Variants in NCOR2 observed in about 807,000 individuals in gnomAD.
The protein encoded by NCOR2 is CTG repeat protein 26.
NCOR2 carries 81 observed loss-of-function variants against 262.9 expected under a neutral mutation model. The ratio of observed to expected loss-of-function variants is 0.31; its 90% CI spans 0.26 to 0.37. The LOEUF is 0.37. Among genes scored for constraint, NCOR2 ranks in the 10% least tolerant of loss-of-function variants. The pLI, the probability that NCOR2 is intolerant of heterozygous loss-of-function variation, is 1.00. For synonymous variants in NCOR2, 1,659 were observed against 1,559.3 expected, an observed-to-expected ratio of 1.06 and a Z score of -1.51; for missense variants, 3,385 against 3,621.4, an observed-to-expected ratio of 0.93 and a Z score of 1.68.
chr12:124,479,462 CACACACAA>C (rs113005981), intron 3 of NCOR2, among the ~76,000 whole-genome samples: 26,874 of 149,782 alleles, frequency 0.18, 2,369 homozygotes, highest in Admixed American at 0.21. Context: ...CATACACACA[CACACACAA>C]ACACGCAGGG....
exon 14 of NCOR2, chr12:124,402,538 CTGCTGCTGCTGTTGT>C: frequency 1.3e-5 from 21 of 1,570,950 alleles, no homozygotes; most frequent in South Asian, 1.3e-4. Context: ...GCTGCTGCTG[CTGCTGCTGCTGTTGT>C]TGCTGCTGCT....
intron 22 of NCOR2, among the ~76,000 whole-genome samples, chr12:124,359,350 C>T (rs2038311535): frequency 6.6e-6 from 1 of 152,180 alleles, no homozygotes; most frequent in African/African-American, 2.4e-5. Flanking sequence ...CAGGGTGTGA[C>T]AGCGGAGGAG....
chr12:124,351,986 G>A (rs796119726), intron 27 of NCOR2, among the ~76,000 whole-genome samples: 31 of 152,304 alleles, frequency 2.0e-4, no homozygotes, highest in African/African-American at 6.7e-4. Flanking sequence ...GGAGTTCACC[G>A]CAGATCCTGG....
intron 1 of NCOR2, among the ~76,000 whole-genome samples, chr12:124,487,315 C>T (rs1565988678): frequency 6.6e-6 from 1 of 152,202 alleles, no homozygotes; most frequent in African/African-American, 2.4e-5. Flanking sequence ...CAGAACAAAG[C>T]GACCCCTGAC....
intron 30 of NCOR2, 141 bp downstream of exon 32, chr12:124,347,684 G>C (rs2037052567): frequency 7.6e-6 from 6 of 788,846 alleles, no homozygotes; most frequent in Admixed American, 2.4e-5. Flanking sequence ...CTCACGTACT[G>C]ATCATGTACA....
At chr12:124,385,473 GTGTC>G in intron 17 of NCOR2, among the ~76,000 whole-genome samples, 1 of 152,320 alleles carries the variant, frequency 6.6e-6, no homozygotes, top group East Asian at 1.9e-4. Context: ...GCCCCCAGAG[GTGTC>G]TGTCTGAGAG....
intron 1 of NCOR2, among the ~76,000 whole-genome samples, chr12:124,557,984 G>A (rs903668272): frequency 1.3e-5 from 2 of 151,954 alleles, no homozygotes; most frequent in Non-Finnish European, 2.9e-5. Flanking sequence ...CCCAGGCCAG[G>A]GCCTGGAGCT....
At chr12:124,478,530 G>A (rs918466256) in intron 3 of NCOR2, among the ~76,000 whole-genome samples, 2 of 152,076 alleles carry the variant, frequency 1.3e-5, no homozygotes, top group Non-Finnish European at 1.5e-5. Flanking sequence ...TGCCTCAGGC[G>A]CCCAGCTGAA....
chr12:124,336,813 G>A (rs2035943036), exon 38 of NCOR2: 2 of 1,613,332 alleles, frequency 1.2e-6, no homozygotes, highest in Non-Finnish European at 1.7e-6. Context: ...TTTTCCCGGT[G>A]CGGGTCCGAG....
At chr12:124,501,062 G>GCACACACACACACACACACACA (rs3040848) in intron 1 of NCOR2, among the ~76,000 whole-genome samples, 1 of 147,810 alleles carries the variant, frequency 6.8e-6, no homozygotes, top group East Asian at 2.1e-4. Flanking sequence ...GCGCACGCGC[G>GCACACACACACACACACACACA]CACACACACA....
At chr12:124,385,640 C>G in intron 17 of NCOR2, 105 bp downstream of exon 19, 1 of 1,480,770 alleles carries the variant, frequency 6.8e-7, no homozygotes. Context: ...GCATAATAGC[C>G]CCTCCCTGGC....
At position 124,329,250 on chromosome 12, in the gene NCOR2, T is replaced by A. The variant is rs142967233; in HGVS notation, c.6958+1595A>T. On this transcript the variant is annotated intron_variant, in intron 44 of 46. Coordinates refer to ENST00000405201, the Ensembl canonical transcript of NCOR2. ...CCCAATGTGGGTGGATCATCTGACGTCAGGAGTTCGAGATCAGCCTGGCCA... is the reference window on the plus strand; with the variant it reads ...CCCAATGTGGGTGGATCATCTGACGACAGGAGTTCGAGATCAGCCTGGCCA... 81 of 423,324 alleles carry A rather than the reference T, an allele frequency of 1.9e-4. 1 individual carries two copies. Among genetic ancestry groups the A allele is most frequent in the African/African-American group, 1.3e-3 (65 of 48,680 alleles). 26.2% of individuals were successfully genotyped at this position (423,324 alleles called of 1,614,324 possible).
intron 7 of NCOR2, among the ~76,000 whole-genome samples, chr12:124,448,348 T>C (rs909740447): frequency 6.6e-6 from 1 of 152,142 alleles, no homozygotes; most frequent in Non-Finnish European, 1.5e-5. Context: ...GGTAGCCCAA[T>C]TGGAAGACAA....
intron 1 of NCOR2, among the ~76,000 whole-genome samples, chr12:124,506,414 G>A (rs944651603): frequency 1.3e-5 from 2 of 152,154 alleles, no homozygotes; most frequent in African/African-American, 2.4e-5. Context: ...TCCGCTGGAC[G>A]GCAGCCAGCT....
chr12:124,326,144 G>A lies in NCOR2; in HGVS notation c.7363+47C>T, dbSNP rs116529973. The A allele has an allele frequency of 7.8e-5, 113 of 1,442,834 alleles. No individual in the cohort carries two copies. The African/African-American group carries it at 1.6e-3, about 20-fold the overall frequency. The allele number at this position is 1,442,834 out of a possible 1,614,324, so 89.4% of individuals were successfully genotyped here. On this transcript the variant is annotated intron_variant, in intron 46 of 46. Transcript: ENST00000405201. ...GTGCCCCGGCAGCATTCACAGCCCA[G>A]TGTTGGGGGCTCAGCGAGCCCAGCC... is the stretch of plus-strand genomic sequence containing the variant.
exon 22 of NCOR2, chr12:124,362,187 C>T (rs2038642398): frequency 7.6e-7 from 1 of 1,311,688 alleles, no homozygotes; most frequent in African/African-American, 1.5e-5. Flanking sequence ...TGCCAGGCTG[C>T]TGAGGGGCGT....
chr12:124,345,559 G>A (rs559057234), intron 31 of NCOR2, among the ~76,000 whole-genome samples: 8 of 152,296 alleles, frequency 5.3e-5, no homozygotes, highest in African/African-American at 1.2e-4. Context: ...TGGGACTTTA[G>A]GGCTTTGCAA....
chr12:124,564,588 A>C (rs1034228769), intron 1 of NCOR2, among the ~76,000 whole-genome samples: 5 of 133,016 alleles, frequency 3.8e-5, no homozygotes, highest in African/African-American at 1.4e-4. Flanking sequence ...CAGTTCAGAC[A>C]GCGGCAGGAG....
Position 124,378,487 on chromosome 12 carries a change from C to CTTT in NCOR2, c.2020-104_2020-103insAAA. On this transcript the variant is annotated intron_variant, in intron 17 of 46. Coordinates refer to ENST00000405201, the Ensembl canonical transcript of NCOR2. The surrounding 1 kb of genome is among the most constrained non-coding windows in gnomAD (Gnocchi z 4.2). Reference sequence around the variant, plus strand: ...CCGCAGGTGCAAAGGGCAGTGATCCCGGCCATGTAGCAATGAGGGTGACCG... The same window carrying CTTT: ...CCGCAGGTGCAAAGGGCAGTGATCCCTTTGGCCATGTAGCAATGAGGGTGACCG... The CTTT allele has an allele frequency of 1.6e-6, 2 of 1,227,256 alleles. No homozygotes were observed. Among genetic ancestry groups the CTTT allele is most frequent in the Non-Finnish European group, 2.2e-6 (2 of 901,726 alleles). The allele number at this position is 1,227,256 out of a possible 1,614,324, so 76.0% of individuals were successfully genotyped here.
Sources: allele counts gnomAD v4.1 joint callset (sites outside exome capture counted in the v4.1 genomes callset), GRCh38; gene constraint gnomAD v4.1.1; non-coding constraint Gnocchi (gnomAD v3.1); transcripts MANE v1.5; gene names NCBI Gene and HGNC (gene_info 2026-07-23, HGNC 2026-07-21).